Variants in LIN54 observed in about 807,000 individuals in gnomAD.
LIN54 encodes the protein protein lin-54 homolog.
In LIN54, 9 loss-of-function variants were observed where a neutral mutation model predicts 78.7. The observed-to-expected ratio is 0.11, with a 90% confidence interval of 0.07 to 0.20. The LOEUF is 0.20. Among genes scored for constraint, LIN54 ranks in the 10% least tolerant of loss-of-function variants. The pLI is 1.00. For missense variants in LIN54, 573 were observed against 889.9 expected (o/e 0.64, Z 4.53); for synonymous variants, 269 against 318.4 (o/e 0.84, Z 1.65).
At chr4:83,008,789 A>G (rs1309146088) in intron 1 of LIN54, among the ~76,000 whole-genome samples, 1 of 152,252 alleles carries the variant, frequency 6.6e-6, no homozygotes, top group Non-Finnish European at 1.5e-5. Context: ...TTTAATTATT[A>G]ATACACAATT....
chr4:82,936,228 A>T (rs1303281007), intron 10 of LIN54, 51 bp downstream of exon 10: 1 of 1,523,764 alleles, frequency 6.6e-7, no homozygotes, highest in Admixed American at 1.8e-5. Context: ...GTTTTATAAA[A>T]CTGATGAAAC....
intron 4 of LIN54, among the ~76,000 whole-genome samples, chr4:82,965,033 A>T (rs1012535847): frequency 2.6e-4 from 40 of 152,124 alleles, no homozygotes; most frequent in African/African-American, 8.9e-4. Flanking sequence ...GAAAAAATAA[A>T]TTTTTTTTAA....
chr4:83,002,818 T>A (rs1336421660), intron 1 of LIN54, among the ~76,000 whole-genome samples: 1 of 152,210 alleles, frequency 6.6e-6, no homozygotes. Context: ...ACTATGTATG[T>A]TATCCGTAAG....
chr4:82,988,868 T>A (rs1258761066), intron 1 of LIN54, among the ~76,000 whole-genome samples: 4 of 152,160 alleles, frequency 2.6e-5, no homozygotes, highest in Admixed American at 2.0e-4. Context: ...TTTGACAAGT[T>A]CCTGTTAAAT....
At chr4:83,012,020 T>G, upstream of LIN54, 1 of 985,264 alleles carries the variant, frequency 1.0e-6, no homozygotes, top group South Asian at 4.7e-5. Context: ...TTTCCCTACC[T>G]TGTTTCAATG....
chr4:82,992,402 G>C (rs1007416738), intron 1 of LIN54, among the ~76,000 whole-genome samples: 9 of 152,096 alleles, frequency 5.9e-5, no homozygotes, highest in Admixed American at 1.3e-4. Context: ...TTTGGACCGG[G>C]CATGGTGGCT....
At chr4:82,967,866 G>A (rs968709147) in intron 4 of LIN54, among the ~76,000 whole-genome samples, 1 of 152,120 alleles carries the variant, frequency 6.6e-6, no homozygotes, top group African/African-American at 2.4e-5. Flanking sequence ...ATCAGAAAGG[G>A]AGAGGAGGTT....
chr4:82,941,955 C>A (rs1722934897), intron 5 of LIN54, among the ~76,000 whole-genome samples: 1 of 152,122 alleles, frequency 6.6e-6, no homozygotes, highest in South Asian at 2.1e-4. Flanking sequence ...TTAAAAACTG[C>A]CTACTGCCAT....
chr4:82,932,109 T>TTC (rs1553945850), intron 11 of LIN54, among the ~76,000 whole-genome samples: 3 of 149,566 alleles, frequency 2.0e-5, no homozygotes, highest in Non-Finnish European at 3.0e-5. Context: ...TTTTTTTTTT[T>TTC]TTTGAGATGG....
chr4:83,010,854 G>T (rs1010174276), upstream of LIN54: 13 of 912,018 alleles, frequency 1.4e-5, no homozygotes, highest in African/African-American at 3.9e-4. Context: ...TCCCCTCCCC[G>T]CCCGCCCCAC....
chr4:82,942,813 C>T (rs1288862901), intron 5 of LIN54, among the ~76,000 whole-genome samples: 3 of 151,694 alleles, frequency 2.0e-5, no homozygotes, highest in Non-Finnish European at 2.9e-5. Flanking sequence ...TGGGGACTAT[C>T]CCTGCCTTCT....
In LIN54 at chr4:82,937,318, G is replaced by A; in HGVS notation, c.1533-20C>T. ...ATTATGCTGTACAGATAGAAAAAAA[G>A]ATATACATTTAATCAATTAATAGTA... On this transcript the variant is annotated intron_variant, in intron 8 of 12. Coordinates refer to ENST00000340417, the MANE Select transcript of LIN54 (RefSeq NM_194282.4). 1 of 1,510,952 alleles carries A rather than the reference G, an allele frequency of 6.6e-7. No homozygotes were observed. Among genetic ancestry groups the A allele is most frequent in the Non-Finnish European group, 9.0e-7 (1 of 1,115,634 alleles). The allele number at this position is 1,510,952 out of a possible 1,614,324, so 93.6% of individuals were successfully genotyped here. A position where few individuals can be genotyped will look rare whatever the true frequency, so the allele number is the denominator to read the frequency against.
intron 1 of LIN54, among the ~76,000 whole-genome samples, chr4:83,001,419 G>A (rs1025242777): frequency 3.9e-5 from 6 of 151,992 alleles, no homozygotes; most frequent in Non-Finnish European, 7.4e-5. Flanking sequence ...GTGTGGTGGT[G>A]TGCACCTGTA....
intron 3 of LIN54, among the ~76,000 whole-genome samples, chr4:82,971,141 A>C (rs1426676488): frequency 6.6e-6 from 1 of 152,198 alleles, no homozygotes; most frequent in East Asian, 1.9e-4. Flanking sequence ...CTAGGTAAGA[A>C]AAGACTACAA....
intron 1 of LIN54, among the ~76,000 whole-genome samples, chr4:82,997,437 G>A (rs1335888554): frequency 4.6e-5 from 7 of 151,966 alleles, no homozygotes; most frequent in Admixed American, 3.9e-4. Flanking sequence ...TTTCTAACTA[G>A]CTTATACTTT....
chr4:82,966,838 G>T (rs28398431), intron 4 of LIN54, among the ~76,000 whole-genome samples: 17 of 151,830 alleles, frequency 1.1e-4, no homozygotes, highest in Admixed American at 2.6e-4. Context: ...TCGAACTCCT[G>T]TCTCAGGTGA....
chr4:82,951,744 A>G (rs1723862098), intron 4 of LIN54, among the ~76,000 whole-genome samples: 1 of 152,130 alleles, frequency 6.6e-6, no homozygotes, highest in South Asian at 2.1e-4. Context: ...ATTTAACCTA[A>G]AAAGTAAAAC....
At position 83,010,637 on chromosome 4, in the gene LIN54, C is replaced by T. The variant is rs970885461; in HGVS notation, c.-186G>A. On this transcript the variant is annotated 5_prime_UTR_variant, in exon 1 of 13. Transcript: ENST00000340417. The stretch of plus-strand genomic sequence containing the variant: ...CCCAGTTTGTCCAAACTGGAGCGCT[C>T]CAGGGTACCCGGGGACCGAGAAGGG... 1.6e-6 allele frequency: 2 copies of T among 1,231,046 alleles called. No individual in the cohort carries two copies. Among genetic ancestry groups the T allele is most frequent in the African/African-American group, 3.1e-5 (2 of 64,364 alleles). 76.3% of individuals were successfully genotyped at this position (1,231,046 alleles called of 1,614,324 possible).
rs1354040391 is a variant in LIN54, at chr4:82,926,355, CTACATT to C, written c.*1741_*1746del. ...GAGGTGCTAAGAATGTTTGAACTAT[CTACATT>C]TAAAGTTACTGCACTATGATTTTAT... On this transcript the variant is annotated 3_prime_UTR_variant, in exon 13 of 13. Transcript: ENST00000340417. 2.0e-5 allele frequency: 3 copies of C among 152,138 alleles called. No homozygotes were observed. The highest frequency in any genetic ancestry group is 4.4e-5 in the Non-Finnish European group (3 of 67,926). 9.4% of individuals were successfully genotyped at this position (152,138 alleles called of 1,614,324 possible). A position where few individuals can be genotyped will look rare whatever the true frequency, so the allele number is the denominator to read the frequency against.
Sources: gnomAD v4.1 joint callset for allele counts (sites outside exome capture counted in the v4.1 genomes callset) on GRCh38, gnomAD v4.1.1 for gene constraint, MANE v1.5 for transcripts, NCBI Gene and HGNC (gene_info 2026-07-23, HGNC 2026-07-21) for gene names.